The following SYN1 variants were observed in gnomAD, a reference collection of about 807,000 sequenced individuals.
SYN1 encodes the protein synapsin I, also known as synapsin-1.
Under a neutral mutation model 44.6 loss-of-function variants are expected in SYN1, and 8 were observed. That is an observed-to-expected ratio of 0.18 (90% confidence interval 0.11 to 0.32). The LOEUF (loss-of-function observed/expected upper bound fraction) is 0.32, where lower values mean the gene tolerates loss of function less well. SYN1 is among the 10% of genes least tolerant of loss of function. The pLI is 1.00. For synonymous variants in SYN1, 275 were observed against 280.1 expected (o/e 0.98, Z 0.18); for missense variants, 451 against 639.4 (o/e 0.71, Z 3.18).
At chrX:47,577,571 GA>G in intron 5 of SYN1, 70 bp from the exon 6 acceptor site, 11 of 995,453 alleles carry the variant, frequency 1.1e-5, no homozygotes, top group Non-Finnish European at 1.5e-5. Context: ...GGGCGGCACT[GA>G]GGGGATCCCA....
chrX:47,583,621 G>A, intron 5 of SYN1: 3 of 1,026,210 alleles, frequency 2.9e-6, no homozygotes, highest in Non-Finnish European at 3.9e-6. Context: ...CTTACCTCTA[G>A]AATGATTCCA....
At position 47,603,890 on chromosome X, in the gene SYN1, T is replaced by TTA. The variant is rs1234580585; in HGVS notation, c.774+1086_774+1087dup. 2.0e-3 allele frequency among the ~76,000 whole-genome samples: 180 copies of TTA among 88,145 alleles called. 4 individuals carry two copies. The highest frequency in any genetic ancestry group is 0.017 in the Middle Eastern group (3 of 179). The allele number at this position is 88,145 out of a possible 115,157, so 76.5% of individuals were successfully genotyped here. A position where few individuals can be genotyped will look rare whatever the true frequency, so the allele number is the denominator to read the frequency against. On this transcript the variant is annotated intron_variant, in intron 5 of 12. Coordinates refer to ENST00000295987, the MANE Select transcript of SYN1 (RefSeq NM_006950.3). The stretch of plus-strand genomic sequence containing the variant: ...TAGTGATAATTTGTAATATTAGTGA[T>TTA]TATATATATATATATATTTTTTTTT...
chrX:47,608,283 GAAGGAAGGGGAAGGAAGGAAGGGGAA>G (rs1569331354), intron 1 of SYN1, among the ~76,000 whole-genome samples: 5 of 10,273 alleles, frequency 4.9e-4, no homozygotes, highest in Non-Finnish European at 9.8e-4. Context: ...AGGAAGGAAG[GAAGGAAGGGGAAGGAAGGAAGGGGAA>G]GGAAGGAAGG....
At chrX:47,615,225 A>G (rs2057928056) in intron 1 of SYN1, among the ~76,000 whole-genome samples, 1 of 112,039 alleles carries the variant, frequency 8.9e-6, no homozygotes, top group African/African-American at 3.2e-5. Context: ...AATGTTGTAT[A>G]TTACATATTA....
intron 5 of SYN1, among the ~76,000 whole-genome samples, chrX:47,597,612 A>G (rs1044170002): frequency 1.8e-5 from 2 of 111,517 alleles, no homozygotes; most frequent in African/African-American, 6.5e-5. Context: ...AAAAGGTGCA[A>G]GAAAGACTAT....
chrX:47,591,091 C>T (rs1173341355), intron 5 of SYN1, among the ~76,000 whole-genome samples: 1 of 111,095 alleles, frequency 9.0e-6, no homozygotes, highest in African/African-American at 3.3e-5. Flanking sequence ...CATCATGTTG[C>T]CCAGGCTGGT....
chrX:47,574,722 T>A lies in SYN1; in HGVS notation c.1359A>T (p.Ala453=). ...GGGGTCGCTGCTGAGCCGGGGGCCC[T>A]GCGGGCTGCTGGGAGGTCTGGCGGC... ...PLGRQTSQQP[A]GPPAQQRPPP... Residue 453 remains alanine, a synonymous_variant, in exon 11 of 13, where the codon GCA becomes GCT. Coordinates refer to ENST00000295987, the MANE Select transcript of SYN1 (RefSeq NM_006950.3). The A allele has an allele frequency of 8.4e-7, 1 of 1,185,020 alleles. No homozygotes were observed. The highest frequency in any genetic ancestry group is 1.1e-6 in the Non-Finnish European group (1 of 882,788).
At chrX:47,579,507 C>T (rs1309752486) in intron 5 of SYN1, among the ~76,000 whole-genome samples, 5 of 111,147 alleles carry the variant, frequency 4.5e-5, no homozygotes, top group African/African-American at 1.6e-4. Flanking sequence ...TTGCACATGC[C>T]TCCTGGACCC....
chrX:47,583,513 C>T lies in SYN1; in HGVS notation c.775-6012G>A, dbSNP rs202175145. The T allele has an allele frequency of 9.2e-6, 11 of 1,198,221 alleles. No individual in the cohort carries two copies. The highest frequency in any genetic ancestry group is 6.0e-5 in the East Asian group (2 of 33,337). ...ACCTGTGTCCCACCCCACCCACAGA[C>T]GGCCTTCTGCAATTCCGACCTCGGT... On this transcript the variant is annotated intron_variant, in intron 5 of 12. Coordinates refer to ENST00000295987, the MANE Select transcript of SYN1 (RefSeq NM_006950.3).
At chrX:47,604,928 C>G (rs1203030524) in intron 5 of SYN1, 50 bp downstream of exon 5, 1 of 1,033,825 alleles carries the variant, frequency 9.7e-7, no homozygotes, top group East Asian at 3.0e-5. Context: ...AATATTATTG[C>G]AGTAGTTATG....
At chrX:47,604,111 G>A (rs1046028491) in intron 5 of SYN1, among the ~76,000 whole-genome samples, 3 of 109,145 alleles carry the variant, frequency 2.7e-5, no homozygotes, top group African/African-American at 1.0e-4. Flanking sequence ...GTTTCTCCAT[G>A]TTGGTCAGGC....
chrX:47,609,723 G>A (rs1353669488), intron 1 of SYN1, among the ~76,000 whole-genome samples: 4 of 112,072 alleles, frequency 3.6e-5, no homozygotes, highest in African/African-American at 1.3e-4. Flanking sequence ...CTGTAGCAAC[G>A]CAAAGTGCTC....
chrX:47,585,801 ATC>A, intron 5 of SYN1: 2 of 1,155,280 alleles, frequency 1.7e-6, no homozygotes, highest in South Asian at 1.9e-5. Flanking sequence ...GCTGTCCCTG[ATC>A]TCTCTTGCTA....
At chrX:47,582,100 G>A (rs2057800423) in intron 5 of SYN1, among the ~76,000 whole-genome samples, 2 of 112,662 alleles carry the variant, frequency 1.8e-5, no homozygotes, top group Non-Finnish European at 3.8e-5. Flanking sequence ...GGGAGCTTGG[G>A]GGATGTGGGT....
At chrX:47,603,396 T>C (rs998494069) in intron 5 of SYN1, among the ~76,000 whole-genome samples, 1 of 111,150 alleles carries the variant, frequency 9.0e-6, no homozygotes, top group African/African-American at 3.3e-5. Flanking sequence ...GGGGTCTCGC[T>C]ATGTTGCCCA....
At chrX:47,585,594 C>T (rs967290911) in intron 5 of SYN1, 2 of 1,195,386 alleles carry the variant, frequency 1.7e-6, no homozygotes, top group Admixed American at 4.5e-5. Flanking sequence ...TTTGTGGCTC[C>T]CTGGAACAGC....
intron 5 of SYN1, among the ~76,000 whole-genome samples, chrX:47,602,698 C>T (rs1248610098): frequency 3.6e-5 from 4 of 111,071 alleles, no homozygotes; most frequent in African/African-American, 1.3e-4. Context: ...ACTTAACTTA[C>T]AACACTGTTG....
At chrX:47,619,279 C>G in intron 1 of SYN1, 73 bp downstream of exon 1, 2 of 1,183,587 alleles carry the variant, frequency 1.7e-6, no homozygotes, top group Non-Finnish European at 2.3e-6. Context: ...AAGCGGCGCT[C>G]GATAATTGCT....
intron 5 of SYN1, chrX:47,590,040 C>G (rs61672044): frequency 2.8e-4 from 31 of 111,047 alleles, no homozygotes; most frequent in African/African-American, 9.2e-4. Flanking sequence ...CCCTGCTCTG[C>G]CTGAAGGAAT....
Sources: gnomAD v4.1 joint callset for allele counts (sites outside exome capture counted in the v4.1 genomes callset) on GRCh38, gnomAD v4.1.1 for gene constraint, MANE v1.5 for transcripts, NCBI Gene and HGNC (gene_info 2026-07-23, HGNC 2026-07-21) for gene names.